Variants in STARD3NL observed in about 807,000 individuals in gnomAD.
STARD3NL encodes STARD3 N-terminal-like protein.
STARD3NL carries 17 observed loss-of-function variants against 30.9 expected under a neutral mutation model. That is an observed-to-expected ratio of 0.55 (90% CI 0.38 to 0.82). The LOEUF is 0.82. Ranked by LOEUF, STARD3NL falls within the 40% of genes least tolerant of loss-of-function variation. STARD3NL has a pLI of 0.00. For synonymous variants in STARD3NL, 112 were observed against 100.5 expected (o/e 1.11, Z -0.69); for missense variants, 234 against 277.6 (o/e 0.84, Z 1.12).
At chr7:38,221,240 A>G (rs1239870514) in intron 7 of STARD3NL, among the ~76,000 whole-genome samples, 1 of 152,196 alleles carries the variant, frequency 6.6e-6, no homozygotes, top group Non-Finnish European at 1.5e-5. Context: ...TAAAATTGCT[A>G]ACACTTTTTT....
At chr7:38,180,145 C>T (rs1207602677) in intron 1 of STARD3NL, among the ~76,000 whole-genome samples, 1 of 152,182 alleles carries the variant, frequency 6.6e-6, no homozygotes, top group Non-Finnish European at 1.5e-5. Context: ...TAAACTCTAG[C>T]CAACTTTCTG....
chr7:38,210,850 C>T (rs768272161), intron 2 of STARD3NL, among the ~76,000 whole-genome samples: 7 of 152,104 alleles, frequency 4.6e-5, no homozygotes, highest in Non-Finnish European at 8.8e-5. Context: ...TTCTAACTGG[C>T]GTTCTAGAAA....
chr7:38,187,796 T>C (rs1332328930), intron 1 of STARD3NL, among the ~76,000 whole-genome samples: 1 of 152,230 alleles, frequency 6.6e-6, no homozygotes, highest in Non-Finnish European at 1.5e-5. Flanking sequence ...ATGTCTAAAC[T>C]GAACTGGTAT....
intron 1 of STARD3NL, among the ~76,000 whole-genome samples, chr7:38,195,381 A>T (rs1392858421): frequency 6.6e-6 from 1 of 152,120 alleles, no homozygotes; most frequent in East Asian, 1.9e-4. Flanking sequence ...TAAAAATCCC[A>T]GTGTTAGCCA....
intron 1 of STARD3NL, among the ~76,000 whole-genome samples, chr7:38,197,199 T>TTTTC (rs1784962280): frequency 6.9e-6 from 1 of 145,976 alleles, no homozygotes; most frequent in African/African-American, 2.5e-5. Context: ...TTTCTTTTTC[T>TTTTC]CTCTCTCTCT....
At chr7:38,223,937 C>A (rs990462736) in intron 7 of STARD3NL, among the ~76,000 whole-genome samples, 7 of 152,104 alleles carry the variant, frequency 4.6e-5, no homozygotes, top group African/African-American at 1.7e-4. Context: ...TGAAAAACTT[C>A]TTTCATGCTC....
At chr7:38,224,932 G>A (rs1786672148) in intron 7 of STARD3NL, among the ~76,000 whole-genome samples, 1 of 152,182 alleles carries the variant, frequency 6.6e-6, no homozygotes, top group Admixed American at 6.5e-5. Flanking sequence ...ATAGGATACA[G>A]TACTATCTGT....
chr7:38,219,476 T>A (rs1583824768), intron 6 of STARD3NL, 89 bp from the exon 7 acceptor site: 4 of 856,812 alleles, frequency 4.7e-6, no homozygotes, highest in Non-Finnish European at 5.7e-6. Flanking sequence ...TTCATTGTAA[T>A]AATAATACCA....
intron 7 of STARD3NL, among the ~76,000 whole-genome samples, chr7:38,223,059 G>C (rs902733823): frequency 1.3e-5 from 2 of 151,946 alleles, no homozygotes; most frequent in African/African-American, 2.4e-5. Context: ...AAGGCCTGAC[G>C]TGCCTTTTTT....
intron 6 of STARD3NL, 143 bp downstream of exon 6, chr7:38,217,448 G>C: frequency 1.4e-6 from 1 of 707,702 alleles, no homozygotes; most frequent in Admixed American, 2.8e-5. Flanking sequence ...GGCTACAGCA[G>C]AAATCGAGAG....
chr7:38,181,498 A>T (rs1230834929), intron 1 of STARD3NL, among the ~76,000 whole-genome samples: 1 of 152,240 alleles, frequency 6.6e-6, no homozygotes, highest in Non-Finnish European at 1.5e-5. Flanking sequence ...TGCATATTTT[A>T]GTAATTATGA....
chr7:38,185,395 T>G (rs2115932582), intron 1 of STARD3NL, among the ~76,000 whole-genome samples: 1 of 152,320 alleles, frequency 6.6e-6, no homozygotes, highest in East Asian at 1.9e-4. Context: ...TCATAGGAGA[T>G]AACATATGTA....
At chr7:38,178,524 A>G (rs1784110249) in intron 1 of STARD3NL, 104 bp downstream of exon 1, 1 of 152,672 alleles carries the variant, frequency 6.5e-6, no homozygotes, top group South Asian at 2.1e-4. Context: ...GACGGAGGCC[A>G]TATCCTGGTC....
rs1786976166 is a variant in STARD3NL at position 38,229,500 on chromosome 7, T to C, written c.*18-423T>C. Among the ~76,000 whole-genome samples the C allele has an allele frequency of 2.0e-5, 3 of 152,218 alleles. No individual in the cohort carries two copies. In the South Asian group the frequency reaches 6.2e-4, roughly 32 times the overall value. On this transcript the variant is annotated intron_variant, in intron 8 of 8. Transcript: ENST00000009041. ...AAGAAAATCATTTTAACCTCATAAA[T>C]AGAAGGCAATTGAAGTAAATTGTAG...
intron 1 of STARD3NL, among the ~76,000 whole-genome samples, chr7:38,185,533 C>T (rs1784422611): frequency 6.6e-6 from 1 of 152,152 alleles, no homozygotes; most frequent in South Asian, 2.1e-4. Flanking sequence ...TAACATCTTC[C>T]CTAGCATTGC....
At chr7:38,213,316 G>T (rs1785917190) in intron 2 of STARD3NL, among the ~76,000 whole-genome samples, 1 of 152,132 alleles carries the variant, frequency 6.6e-6, no homozygotes, top group Non-Finnish European at 1.5e-5. Flanking sequence ...GTCTACAGAG[G>T]ATCCATACTA....
chr7:38,204,263 A>G (rs1464021420), intron 1 of STARD3NL, among the ~76,000 whole-genome samples: 2 of 152,246 alleles, frequency 1.3e-5, no homozygotes, highest in African/African-American at 2.4e-5. Flanking sequence ...AATGTAAAAG[A>G]AGAGAAATTA....
At chr7:38,198,554 A>G (rs1785030432) in intron 1 of STARD3NL, among the ~76,000 whole-genome samples, 1 of 152,240 alleles carries the variant, frequency 6.6e-6, no homozygotes, top group African/African-American at 2.4e-5. Flanking sequence ...ATGATGACTA[A>G]GGCCTTTCTA....
At chr7:38,178,842 A>G (rs1360066106) in intron 1 of STARD3NL, among the ~76,000 whole-genome samples, 1 of 142,676 alleles carries the variant, frequency 7.0e-6, no homozygotes, top group East Asian at 2.1e-4. Context: ...AGTCTCTTCT[A>G]TTCATTGAGA....
Sources: gnomAD v4.1 joint callset for allele counts (sites outside exome capture counted in the v4.1 genomes callset) on GRCh38, gnomAD v4.1.1 for gene constraint, MANE v1.5 for transcripts, NCBI Gene and HGNC (gene_info 2026-07-23, HGNC 2026-07-21) for gene names.